ADAM18: variants seen among roughly 807,000 people sequenced by gnomAD.
ADAM18 encodes the protein disintegrin and metalloproteinase domain-containing protein 18.
Under a neutral mutation model 94.4 loss-of-function variants are expected in ADAM18, and 117 were observed. The ratio of observed to expected loss-of-function variants is 1.24; its 90% CI spans 1.07 to 1.45. The LOEUF (loss-of-function observed/expected upper bound fraction) is 1.45. Among genes scored for constraint, ADAM18 ranks in the 40% most tolerant of loss-of-function variants. ADAM18 has a pLI of 0.00. For synonymous variants in ADAM18, 327 were observed against 291.6 expected (o/e 1.12, Z -1.24); for missense variants, 936 against 880.0 (o/e 1.06, Z -0.81).
chr8:39,666,755 G>GC (rs1821001562), intron 13 of ADAM18, among the ~76,000 whole-genome samples: 1 of 152,152 alleles, frequency 6.6e-6, no homozygotes, highest in South Asian at 2.1e-4. Flanking sequence ...GGAAAGACCT[G>GC]CCCCCTGATT....
At chr8:39,621,490 A>G (rs1819612446) in intron 6 of ADAM18, among the ~76,000 whole-genome samples, 3 of 151,862 alleles carry the variant, frequency 2.0e-5, no homozygotes, top group Non-Finnish European at 4.4e-5. Flanking sequence ...AGTATAAAAT[A>G]TGGAAAATAA....
At chr8:39,678,987 C>A (rs923633991) in intron 15 of ADAM18, among the ~76,000 whole-genome samples, 8 of 152,032 alleles carry the variant, frequency 5.3e-5, no homozygotes, top group African/African-American at 1.9e-4. Flanking sequence ...TACATACATA[C>A]CATGCAAGTC....
chr8:39,632,262 A>G (rs1175835726), intron 7 of ADAM18, among the ~76,000 whole-genome samples: 3 of 151,862 alleles, frequency 2.0e-5, no homozygotes, highest in Non-Finnish European at 4.4e-5. Flanking sequence ...CTGCAGTACA[A>G]TGTTAAATAG....
chr8:39,617,928 A>C lies in ADAM18; in HGVS notation c.522+7222A>C, dbSNP rs556730631. ...GATCTGTACATTAAACCCCTGTGAC[A>C]TGCAATTTACCTATGTATCAAACCA... On this transcript the variant is annotated intron_variant, in intron 6 of 19. Transcript: ENST00000265707. Among the ~76,000 whole-genome samples, 9 of 152,230 alleles carry C rather than the reference A, an allele frequency of 5.9e-5. No homozygotes were observed. In the East Asian group the frequency reaches 1.7e-3, roughly 29 times the overall value.
At chr8:39,704,528 C>T (rs7835711) in intron 17 of ADAM18, among the ~76,000 whole-genome samples, 48,532 of 151,966 alleles carry the variant, frequency 0.32, 8,571 homozygotes, top group East Asian at 0.75. Context: ...TTTTATAAAT[C>T]ATTTTTAATG....
chr8:39,725,957 A>G (rs1822894891), intron 19 of ADAM18, among the ~76,000 whole-genome samples: 1 of 152,146 alleles, frequency 6.6e-6, no homozygotes, highest in African/African-American at 2.4e-5. Context: ...ATACCAATTT[A>G]TATTTCCACC....
At chr8:39,688,157 G>C (rs566002912) in intron 16 of ADAM18, among the ~76,000 whole-genome samples, 1 of 152,294 alleles carries the variant, frequency 6.6e-6, no homozygotes, top group African/African-American at 2.4e-5. Flanking sequence ...ACTGATGTGA[G>C]ATGGTACCTC....
At chr8:39,703,692 G>C (rs1449857927) in intron 17 of ADAM18, among the ~76,000 whole-genome samples, 1 of 151,946 alleles carries the variant, frequency 6.6e-6, no homozygotes, top group African/African-American at 2.4e-5. Context: ...TTAACTTGAA[G>C]GGATGTTGAA....
At chr8:39,641,719 T>G (rs1458503531) in intron 10 of ADAM18, among the ~76,000 whole-genome samples, 5 of 152,020 alleles carry the variant, frequency 3.3e-5, no homozygotes, top group Non-Finnish European at 5.9e-5. Context: ...ATAATCTCAT[T>G]CTTTTTTATG....
At chr8:39,720,084 C>T (rs1221128253) in intron 18 of ADAM18, among the ~76,000 whole-genome samples, 1 of 151,184 alleles carries the variant, frequency 6.6e-6, no homozygotes, top group Non-Finnish European at 1.5e-5. Context: ...GATGGCTAAA[C>T]AATGTGTAGT....
intron 12 of ADAM18, among the ~76,000 whole-genome samples, chr8:39,654,170 T>G (rs1197617785): frequency 6.8e-6 from 1 of 147,786 alleles, no homozygotes; most frequent in Non-Finnish European, 1.5e-5. Context: ...TTTTTTTTTT[T>G]TTTTGGAGAC....
chr8:39,722,190 CGT>C (rs1164771841), intron 18 of ADAM18, among the ~76,000 whole-genome samples: 9 of 101,790 alleles, frequency 8.8e-5, no homozygotes, highest in South Asian at 7.8e-4. Context: ...TTGGTTATAC[CGT>C]GTGTGTGTGT....
At chr8:39,609,821 T>C (rs1304469879) in intron 5 of ADAM18, among the ~76,000 whole-genome samples, 1 of 152,204 alleles carries the variant, frequency 6.6e-6, no homozygotes, top group Non-Finnish European at 1.5e-5. Context: ...TTAAGTATGA[T>C]TGTTGCATTC....
intron 12 of ADAM18, among the ~76,000 whole-genome samples, chr8:39,657,445 A>G (rs1328008501): frequency 6.6e-6 from 1 of 151,968 alleles, no homozygotes; most frequent in Non-Finnish European, 1.5e-5. Context: ...CCGAGTAGCC[A>G]GGATTACAGG....
intron 17 of ADAM18, among the ~76,000 whole-genome samples, chr8:39,696,091 A>G (rs1821918905): frequency 6.6e-6 from 1 of 151,326 alleles, no homozygotes; most frequent in Admixed American, 6.6e-5. Context: ...AACCATCTTA[A>G]TAGTTGCAAA....
At chr8:39,587,853 G>A (rs150098235) in intron 2 of ADAM18, among the ~76,000 whole-genome samples, 4 of 152,196 alleles carry the variant, frequency 2.6e-5, no homozygotes, top group African/African-American at 4.8e-5. Context: ...GTTCATTCAC[G>A]TCTCAAATAG....
chr8:39,606,944 C>A (rs1238358579), intron 3 of ADAM18, among the ~76,000 whole-genome samples: 1 of 152,164 alleles, frequency 6.6e-6, no homozygotes, highest in Non-Finnish European at 1.5e-5. Flanking sequence ...GAAATGTCAT[C>A]AGTTAAGGCA....
intron 12 of ADAM18, among the ~76,000 whole-genome samples, chr8:39,662,435 C>T (rs1820867099): frequency 6.6e-6 from 1 of 151,764 alleles, no homozygotes; most frequent in African/African-American, 2.4e-5. Context: ...AAAGTGTGAA[C>T]AAATGGAAAT....
chr8:39,711,967 T>TA (rs1563317075), intron 18 of ADAM18, among the ~76,000 whole-genome samples: 1 of 148,080 alleles, frequency 6.8e-6, no homozygotes, highest in African/African-American at 2.5e-5. Flanking sequence ...GCGCAAGCAC[T>TA]AAAAAATATT....
Sources: gnomAD v4.1 joint callset for allele counts (sites outside exome capture counted in the v4.1 genomes callset) on GRCh38, gnomAD v4.1.1 for gene constraint, MANE v1.5 for transcripts, NCBI Gene and HGNC (gene_info 2026-07-23, HGNC 2026-07-21) for gene names.